The following CADM1 variants were observed in gnomAD, a reference collection of about 807,000 sequenced individuals.
CADM1 encodes TSLC-1.
CADM1 carries 15 observed loss-of-function variants against 53.1 expected under a neutral mutation model. The ratio of observed to expected loss-of-function variants is 0.28; its 90% CI spans 0.19 to 0.44. The LOEUF (loss-of-function observed/expected upper bound fraction) is 0.44, where lower values mean the gene tolerates loss of function less well. Among genes scored for constraint, CADM1 ranks in the 20% least tolerant of loss-of-function variants. The pLI, the probability that CADM1 is intolerant of heterozygous loss-of-function variation, is 1.00. For synonymous variants in CADM1, 281 were observed against 243.0 expected (o/e 1.16, Z -1.45); for missense variants, 434 against 611.3 (o/e 0.71, Z 3.06).
chr11:115,234,447 T>C (rs1205798217), intron 3 of CADM1, among the ~76,000 whole-genome samples: 1 of 152,186 alleles, frequency 6.6e-6, no homozygotes, highest in East Asian at 1.9e-4. Flanking sequence ...TTGTTTGGCA[T>C]TATCCAAACA....
chr11:115,313,939 G>A lies in CADM1; in HGVS notation c.125-73519C>T, dbSNP rs139258700. On this transcript the variant is annotated intron_variant, in intron 1 of 11. Coordinates refer to ENST00000331581, the MANE Select transcript of CADM1 (RefSeq NM_001301043.2). ...ACCCACCCTAGACTAGTGAGTGAAGGTAAGAAAATTTCCAAACATTCAAGC... is the reference window on the plus strand; with the variant it reads ...ACCCACCCTAGACTAGTGAGTGAAGATAAGAAAATTTCCAAACATTCAAGC... 5.1e-3 allele frequency among the ~76,000 whole-genome samples: 778 copies of A among 152,228 alleles called. 3 individuals are homozygous for A. The highest frequency in any genetic ancestry group is 0.017 in the Middle Eastern group (5 of 294).
At chr11:115,316,971 AG>A (rs1191872088) in intron 1 of CADM1, among the ~76,000 whole-genome samples, 2 of 152,226 alleles carry the variant, frequency 1.3e-5, no homozygotes, top group African/African-American at 2.4e-5. Flanking sequence ...ACTCCACAAA[AG>A]ATTGCTTAAG....
At chr11:115,405,780 A>C (rs901729756) in intron 1 of CADM1, among the ~76,000 whole-genome samples, 2 of 152,230 alleles carry the variant, frequency 1.3e-5, no homozygotes, top group Non-Finnish European at 2.9e-5. Flanking sequence ...ACATGCAAAA[A>C]TACTACACCC....
chr11:115,198,085 A>G (rs1940246015), intron 9 of CADM1, among the ~76,000 whole-genome samples: 6 of 152,156 alleles, frequency 3.9e-5, no homozygotes, highest in Admixed American at 3.9e-4. Flanking sequence ...TTTCCTGCGA[A>G]TACTCGTTTG....
intron 1 of CADM1, among the ~76,000 whole-genome samples, chr11:115,331,016 T>A (rs928898092): frequency 6.6e-6 from 1 of 152,094 alleles, no homozygotes; most frequent in East Asian, 1.9e-4. Context: ...AGAGGAGGAA[T>A]CAGGTTGCAG....
In CADM1 at chr11:115,211,475, C is replaced by CTTTTTTT. The variant is rs1224649182; in HGVS notation, c.995-1825_995-1819dup. On this transcript the variant is annotated intron_variant, in intron 7 of 11. Coordinates refer to ENST00000331581, the MANE Select transcript of CADM1 (RefSeq NM_001301043.2). Reference sequence around the variant, plus strand: ...CCCCTGATATACTATAATCCTATTTCTTTTTTTTTTTTTTTTTTTTTTTAG... The same window carrying CTTTTTTT: ...CCCCTGATATACTATAATCCTATTTCTTTTTTTTTTTTTTTTTTTTTTTTTTTTTTAG... Among the ~76,000 whole-genome samples, 355 of 91,564 alleles carry CTTTTTTT rather than the reference C, an allele frequency of 3.9e-3. 1 individual carries two copies. Among genetic ancestry groups the CTTTTTTT allele is most frequent in the Non-Finnish European group, 4.5e-3 (229 of 51,222 alleles). The allele number at this position is 91,564 out of a possible 152,430, so 60.1% of individuals were successfully genotyped here. A position where few individuals can be genotyped will look rare whatever the true frequency, so the allele number is the denominator to read the frequency against.
intron 11 of CADM1, among the ~76,000 whole-genome samples, chr11:115,177,786 G>A (rs1591575956): frequency 6.6e-6 from 1 of 151,926 alleles, no homozygotes; most frequent in East Asian, 1.9e-4. Flanking sequence ...TTATGCTTGA[G>A]ACAGGCACTC....
chr11:115,280,879 C>T (rs1031494991), intron 1 of CADM1, among the ~76,000 whole-genome samples: 3 of 152,206 alleles, frequency 2.0e-5, no homozygotes, highest in African/African-American at 7.2e-5. Context: ...AGGAATTCTA[C>T]CATGAGAAGT....
intron 1 of CADM1, among the ~76,000 whole-genome samples, chr11:115,324,675 T>C (rs1186642892): frequency 6.6e-6 from 1 of 152,122 alleles, no homozygotes; most frequent in Non-Finnish European, 1.5e-5. Context: ...GAACAAGTGA[T>C]AAAATGTATA....
At chr11:115,433,800 G>A (rs1017728810) in intron 1 of CADM1, among the ~76,000 whole-genome samples, 3 of 152,120 alleles carry the variant, frequency 2.0e-5, no homozygotes, top group East Asian at 1.9e-4. Context: ...CAAACACGTC[G>A]GCTGGTTCAA....
chr11:115,497,367 C>T (rs996159115), intron 1 of CADM1, among the ~76,000 whole-genome samples: 2 of 152,216 alleles, frequency 1.3e-5, no homozygotes, highest in Non-Finnish European at 1.5e-5. Context: ...TCATTCAAGA[C>T]ACCTGTCAGT....
intron 1 of CADM1, among the ~76,000 whole-genome samples, chr11:115,305,574 T>C (rs537929129): frequency 1.4e-4 from 21 of 152,036 alleles, no homozygotes; most frequent in African/African-American, 4.8e-4. Context: ...AAATAGAGCA[T>C]TGGCTGGCCA....
rs1209601584 is a variant in CADM1 at position 115,444,094 on chromosome 11, C to CA, written c.124+60176dup. Among the ~76,000 whole-genome samples the CA allele has an allele frequency of 6.0e-5, 9 of 150,916 alleles. No individual in the cohort carries two copies. In the East Asian group the frequency reaches 7.8e-4, roughly 13 times the overall value. Reference sequence around the variant, plus strand: ...TACGGCTCCATGCAATTCTAGTAATCAAAAAAAACATAAAAGAAGAAAATG... The same window carrying CA: ...TACGGCTCCATGCAATTCTAGTAATCAAAAAAAAACATAAAAGAAGAAAATG... On this transcript the variant is annotated intron_variant, in intron 1 of 11. Coordinates refer to ENST00000331581, the MANE Select transcript of CADM1 (RefSeq NM_001301043.2).
chr11:115,226,890 A>G (rs2134830704), intron 5 of CADM1, among the ~76,000 whole-genome samples: 1 of 152,362 alleles, frequency 6.6e-6, no homozygotes, highest in South Asian at 2.1e-4. Flanking sequence ...TGACTCTGCA[A>G]AGTTCTCAAT....
At chr11:115,350,979 A>G (rs761451841) in intron 1 of CADM1, among the ~76,000 whole-genome samples, 2 of 151,780 alleles carry the variant, frequency 1.3e-5, no homozygotes, top group Non-Finnish European at 2.9e-5. Context: ...ATGAAATCCC[A>G]TTAGTTGTGT....
At chr11:115,258,238 C>A (rs970251885) in intron 1 of CADM1, among the ~76,000 whole-genome samples, 1 of 152,062 alleles carries the variant, frequency 6.6e-6, no homozygotes, top group African/African-American at 2.4e-5. Context: ...TTTTCTGCTG[C>A]CCATTACTAG....
At chr11:115,503,459 G>A (rs1443114215) in intron 1 of CADM1, among the ~76,000 whole-genome samples, 2 of 152,176 alleles carry the variant, frequency 1.3e-5, no homozygotes, top group Admixed American at 6.5e-5. Flanking sequence ...CGAAAGAACG[G>A]GCAGCCGGGA....
intron 1 of CADM1, among the ~76,000 whole-genome samples, chr11:115,442,872 A>T (rs1032176610): frequency 6.6e-5 from 10 of 152,196 alleles, no homozygotes; most frequent in Non-Finnish European, 1.5e-4. Flanking sequence ...AACACCTTTT[A>T]CTTAACAAGG....
intron 1 of CADM1, among the ~76,000 whole-genome samples, chr11:115,255,671 C>T (rs1210627001): frequency 6.6e-6 from 1 of 152,110 alleles, no homozygotes; most frequent in Non-Finnish European, 1.5e-5. Context: ...TAAAGAAGAT[C>T]ATGAATCCTA....
Sources: gnomAD v4.1 joint callset for allele counts (sites outside exome capture counted in the v4.1 genomes callset) on GRCh38, gnomAD v4.1.1 for gene constraint, MANE v1.5 for transcripts, NCBI Gene and HGNC (gene_info 2026-07-23, HGNC 2026-07-21) for gene names.